Variants in KDM4C observed in about 807,000 individuals in gnomAD.
The protein encoded by KDM4C is lysine-specific demethylase 4C.
A neutral mutation model predicts 129.3 loss-of-function variants in KDM4C; 81 were observed. The ratio of observed to expected loss-of-function variants is 0.63; its 90% CI spans 0.52 to 0.75. KDM4C has a LOEUF of 0.75. Ranked by LOEUF, KDM4C falls within the 30% of genes least tolerant of loss-of-function variation. The pLI, the probability that KDM4C is intolerant of heterozygous loss-of-function variation, is 0.00. For missense variants in KDM4C, 1,457 were observed against 1,304.0 expected (o/e 1.12, Z -1.81); for synonymous variants, 573 against 456.1 (o/e 1.26, Z -3.26).
At position 6,748,886 on chromosome 9, in the gene KDM4C, C is replaced by G. The variant is rs750234741; in HGVS notation, c.49+27889C>G. On this transcript the variant is annotated intron_variant, in intron 1 of 17. Transcript: ENST00000536108. ...TATTCACTTGCTCATAGAGCCACAC[C>G]TGAATCTGCGATCTATTTTGTAAGT... 14 of 974,754 alleles carry G rather than the reference C, an allele frequency of 1.4e-5. No individual in the cohort carries two copies. In the South Asian group the frequency reaches 1.8e-4, roughly 12 times the overall value. The allele number at this position is 974,754 out of a possible 1,614,324, so 60.4% of individuals were successfully genotyped here.
intron 19 of KDM4C, among the ~76,000 whole-genome samples, chr9:7,161,756 T>G (rs971255101): frequency 9.2e-5 from 14 of 152,160 alleles, no homozygotes; most frequent in African/African-American, 3.4e-4. Context: ...TTGAAACAAT[T>G]TTGGGGACAC....
intron 5 of KDM4C, among the ~76,000 whole-genome samples, chr9:6,869,822 C>T (rs1293199263): frequency 6.6e-6 from 1 of 152,250 alleles, no homozygotes; most frequent in Non-Finnish European, 1.5e-5. Context: ...TATAGCCATG[C>T]TTTCTGTTCC....
intron 5 of KDM4C, among the ~76,000 whole-genome samples, chr9:6,862,835 C>A (rs1841192877): frequency 6.6e-6 from 1 of 150,522 alleles, no homozygotes; most frequent in Non-Finnish European, 1.5e-5. Context: ...AACAAACAAA[C>A]AAACAAAAAA....
rs764342242 is a variant in KDM4C, at chr9:7,011,729, A to C, written c.1818A>C (p.Glu606Asp). ...CTGAGGTTCTGTCCATTGAGGAGGA[A>C]GTGGAAGAAACAGAGTCTTGGGCGA... is the stretch of plus-strand genomic sequence containing the variant. ...ELPEVLSIEEEVEETESWAKP... is the reference protein window; with the variant it reads ...ELPEVLSIEEDVEETESWAKP... Residue 606 changes from glutamate to aspartate, a missense_variant, in exon 13 of 22, where the codon GAA becomes GAC. By Grantham distance (45) the Glu-to-Asp change is conservative. Transcript: ENST00000381309. 1 of 1,614,082 alleles carries C rather than the reference A, an allele frequency of 6.2e-7. No individual in the cohort carries two copies. The highest frequency in any genetic ancestry group is 2.2e-5 in the East Asian group (1 of 44,868).
chr9:7,025,725 A>G (rs1475976410), intron 15 of KDM4C, among the ~76,000 whole-genome samples: 1 of 152,174 alleles, frequency 6.6e-6, no homozygotes, highest in East Asian at 1.9e-4. Flanking sequence ...CTATGTCTTG[A>G]AAAGTTGTCA....
Position 7,058,191 on chromosome 9 carries a change from C to G in KDM4C, c.2424+8991C>G, listed in dbSNP as rs547956733. Among the ~76,000 whole-genome samples the G allele has an allele frequency of 2.0e-5, 3 of 152,290 alleles. No homozygotes were observed. The East Asian group carries it at 5.8e-4, about 29-fold the overall frequency. On this transcript the variant is annotated intron_variant, in intron 17 of 21. Transcript: ENST00000381309. ...CAGTCTCTGCTATGGTGTCTTTTGG[C>G]TGAGCCATTTTGCCTTTGGGGGATA...
intron 14 of KDM4C, 23 bp downstream of exon 14, chr9:7,014,024 A>G: frequency 6.3e-7 from 1 of 1,581,340 alleles, no homozygotes. Context: ...ATAATTCATC[A>G]ATCACTGGCT....
At chr9:6,840,090 T>TG (rs1836631641) in intron 4 of KDM4C, among the ~76,000 whole-genome samples, 1 of 151,082 alleles carries the variant, frequency 6.6e-6, no homozygotes, top group African/African-American at 2.4e-5. Context: ...TCTTTTTTTT[T>TG]GGAGACAGGT....
At chr9:6,923,899 C>T (rs1232988208) in intron 8 of KDM4C, among the ~76,000 whole-genome samples, 1 of 152,154 alleles carries the variant, frequency 6.6e-6, no homozygotes, top group African/African-American at 2.4e-5. Flanking sequence ...GAGAAAAAAG[C>T]AGGAATCTGA....
chr9:6,731,258 A>G (rs1457149727), intron 1 of KDM4C, among the ~76,000 whole-genome samples: 2 of 151,396 alleles, frequency 1.3e-5, no homozygotes, highest in African/African-American at 2.4e-5. Context: ...TCTAGGATCT[A>G]TGAGTTTCCT....
intron 20 of KDM4C, among the ~76,000 whole-genome samples, chr9:7,167,489 A>C (rs1241694331): frequency 6.6e-6 from 1 of 152,234 alleles, no homozygotes; most frequent in African/African-American, 2.4e-5. Flanking sequence ...TGGGTAAATC[A>C]GATGACACTA....
intron 4 of KDM4C, chr9:6,834,890 G>T: frequency 7.8e-7 from 1 of 1,282,016 alleles, no homozygotes; most frequent in East Asian, 2.3e-5. Flanking sequence ...GTACTTCTTT[G>T]GCTGTACCAC....
At chr9:7,150,660 C>A (rs532637789) in intron 19 of KDM4C, among the ~76,000 whole-genome samples, 12 of 152,272 alleles carry the variant, frequency 7.9e-5, no homozygotes, top group Non-Finnish European at 1.5e-4. Flanking sequence ...CTCTTGTGCC[C>A]ACATTGCCTT....
At chr9:6,842,196 C>T (rs749174267) in intron 4 of KDM4C, among the ~76,000 whole-genome samples, 1 of 152,124 alleles carries the variant, frequency 6.6e-6, no homozygotes, top group African/African-American at 2.4e-5. Context: ...TAGCCTGTCT[C>T]CAAAACTCCT....
intron 19 of KDM4C, among the ~76,000 whole-genome samples, chr9:7,139,681 G>A (rs961804855): frequency 7.1e-4 from 108 of 151,972 alleles, no homozygotes; most frequent in African/African-American, 2.4e-3. Flanking sequence ...TTTATGTATC[G>A]CATATGAATT....
chr9:7,123,125 G>T (rs1452588570), intron 18 of KDM4C, among the ~76,000 whole-genome samples: 1 of 152,126 alleles, frequency 6.6e-6, no homozygotes, highest in Non-Finnish European at 1.5e-5. Flanking sequence ...AAGTTTCTGA[G>T]AATTTTTATT....
intron 17 of KDM4C, among the ~76,000 whole-genome samples, chr9:7,052,294 A>C (rs536327658): frequency 6.6e-6 from 1 of 152,336 alleles, no homozygotes; most frequent in Non-Finnish European, 1.5e-5. Context: ...GAAATTGAAC[A>C]ACCAAATTGA....
At chr9:6,728,871 A>C (rs1194210311) in intron 1 of KDM4C, among the ~76,000 whole-genome samples, 8 of 151,742 alleles carry the variant, frequency 5.3e-5, no homozygotes, top group Admixed American at 5.3e-4. Flanking sequence ...ACAAACAAAA[A>C]GTATTCTCAT....
At chr9:6,773,700 G>A (rs1822382101) in intron 1 of KDM4C, among the ~76,000 whole-genome samples, 1 of 151,518 alleles carries the variant, frequency 6.6e-6, no homozygotes, top group Non-Finnish European at 1.5e-5. Flanking sequence ...GAACCCAGGA[G>A]ACGGAGGTTG....
Sources: gnomAD v4.1 joint callset for allele counts (sites outside exome capture counted in the v4.1 genomes callset) on GRCh38, gnomAD v4.1.1 for gene constraint, MANE v1.5 for transcripts, NCBI Gene and HGNC (gene_info 2026-07-23, HGNC 2026-07-21) for gene names.